Variants in RAB3IP observed in about 807,000 individuals in gnomAD.
RAB3IP encodes the protein RAB3A interacting protein.
Under a neutral mutation model 59.1 loss-of-function variants are expected in RAB3IP, and 36 were observed. That is an observed-to-expected ratio of 0.61 (90% CI 0.47 to 0.80). The LOEUF is 0.80. Among genes scored for constraint, RAB3IP ranks in the 30% least tolerant of loss-of-function variants. The pLI is 0.00. For synonymous variants in RAB3IP, 207 were observed against 191.2 expected (o/e 1.08, Z -0.68); for missense variants, 511 against 536.0 (o/e 0.95, Z 0.46).
In RAB3IP at chr12:69,815,493, G is replaced by A. The variant is rs377045365; in HGVS notation, c.*47G>A. On this transcript the variant is annotated 3_prime_UTR_variant, in exon 11 of 11. Transcript: ENST00000247833. Reference sequence around the variant, plus strand: ...TGAACTCCCCGAATAACTGAAAAATGGCTGAATATTTTTATGGTTACTTGA... The same window carrying A: ...TGAACTCCCCGAATAACTGAAAAATAGCTGAATATTTTTATGGTTACTTGA... The A allele has an allele frequency of 8.5e-6, 11 of 1,288,024 alleles. No individual in the cohort carries two copies. In the African/African-American group the frequency reaches 1.6e-4, roughly 19 times the overall value. 79.8% of individuals were successfully genotyped at this position (1,288,024 alleles called of 1,614,324 possible). A position where few individuals can be genotyped will look rare whatever the true frequency, so the allele number is the denominator to read the frequency against.
At chr12:69,779,725 A>G (rs1341768052) in intron 3 of RAB3IP, among the ~76,000 whole-genome samples, 1 of 147,310 alleles carries the variant, frequency 6.8e-6, no homozygotes, top group Non-Finnish European at 1.5e-5. Context: ...AATTTTTCTG[A>G]TAAATTTCTG....
intron 10 of RAB3IP, among the ~76,000 whole-genome samples, chr12:69,813,845 T>A (rs935146868): frequency 2.6e-5 from 4 of 151,832 alleles, no homozygotes; most frequent in Non-Finnish European, 5.9e-5. Flanking sequence ...CTTTCAATCA[T>A]GTAAAGCAGT....
chr12:69,815,663 G>A lies in RAB3IP; in HGVS notation c.*217G>A, dbSNP rs1881059012. On this transcript the variant is annotated 3_prime_UTR_variant, in exon 11 of 11. Coordinates refer to ENST00000247833, the MANE Select transcript of RAB3IP (RefSeq NM_022456.5). Reference sequence around the variant, plus strand: ...ACTATGAAGAATTCCAGGTGTACTAGTGAATGTAATTTATAGTTGCCAAAA... The same window carrying A: ...ACTATGAAGAATTCCAGGTGTACTAATGAATGTAATTTATAGTTGCCAAAA... 6.3e-6 allele frequency: 2 copies of A among 318,800 alleles called. No individual in the cohort carries two copies. Among genetic ancestry groups the A allele is most frequent in the Admixed American group, 4.9e-5 (1 of 20,220 alleles). 19.7% of individuals were successfully genotyped at this position (318,800 alleles called of 1,614,324 possible). A position where few individuals can be genotyped will look rare whatever the true frequency, so the allele number is the denominator to read the frequency against.
chr12:69,807,369 T>C (rs1322803492), intron 8 of RAB3IP, among the ~76,000 whole-genome samples: 312 of 58,242 alleles, frequency 5.4e-3, no homozygotes, highest in African/African-American at 6.1e-3. Context: ...CAGAGGCGCT[T>C]CCCACCTCCC....
chr12:69,751,645 A>G (rs1164997634), intron 1 of RAB3IP, among the ~76,000 whole-genome samples: 1 of 152,312 alleles, frequency 6.6e-6, no homozygotes, highest in South Asian at 2.1e-4. Context: ...AAGTTTCAGA[A>G]TCACAGTATC....
chr12:69,806,570 G>GTTTTTTTTTTTTTTTTTTTTTTTTTTTT (rs35262716), intron 8 of RAB3IP, among the ~76,000 whole-genome samples: 2 of 68,488 alleles, frequency 2.9e-5, no homozygotes, highest in Admixed American at 1.8e-4. Flanking sequence ...TGCTTCTCTA[G>GTTTTTTTTTTTTTTTTTTTTTTTTTTTT]TTTTTTTTTT....
chr12:69,778,550 C>G (rs1487868274), intron 3 of RAB3IP, among the ~76,000 whole-genome samples: 2 of 133,030 alleles, frequency 1.5e-5, no homozygotes, highest in Non-Finnish European at 3.2e-5. Context: ...GTGGTTTTAT[C>G]TACTTTTGGT....
chr12:69,807,457 C>CG (rs1879586126), intron 8 of RAB3IP, among the ~76,000 whole-genome samples: 1 of 137,074 alleles, frequency 7.3e-6, no homozygotes. Flanking sequence ...ACATCCCAGA[C>CG]AGGACGGCTG....
upstream of RAB3IP, chr12:69,738,631 C>T (rs950881783): frequency 1.3e-5 from 2 of 152,114 alleles, no homozygotes; most frequent in African/African-American, 4.8e-5. Context: ...AAACAGAGCG[C>T]AGCTCCGGCT....
chr12:69,808,400 A>C (rs983396267), intron 8 of RAB3IP, among the ~76,000 whole-genome samples: 1 of 152,198 alleles, frequency 6.6e-6, no homozygotes, highest in Non-Finnish European at 1.5e-5. Context: ...GTAGATGTCT[A>C]TTAGGTCTGC....
chr12:69,800,118 A>G, intron 6 of RAB3IP, 91 bp from the exon 7 acceptor site: 1 of 956,744 alleles, frequency 1.0e-6, no homozygotes, highest in Non-Finnish European at 1.4e-6. Flanking sequence ...GCTTTTTTTC[A>G]GTGATGTTTA....
chr12:69,792,745 C>T (rs923059713), intron 4 of RAB3IP, among the ~76,000 whole-genome samples: 2 of 152,084 alleles, frequency 1.3e-5, no homozygotes, highest in Non-Finnish European at 1.5e-5. Flanking sequence ...TCACTGTAAC[C>T]CTTATGTCTG....
chr12:69,768,640 C>A (rs1342524049), intron 3 of RAB3IP, among the ~76,000 whole-genome samples: 1 of 152,202 alleles, frequency 6.6e-6, no homozygotes, highest in Non-Finnish European at 1.5e-5. Context: ...TCACGCAGAT[C>A]AGTTCATGTT....
intron 6 of RAB3IP, among the ~76,000 whole-genome samples, chr12:69,799,994 C>T (rs1472620980): frequency 6.6e-6 from 1 of 150,976 alleles, no homozygotes; most frequent in Non-Finnish European, 1.5e-5. Context: ...AAAAGGAAAA[C>T]TGCTACCAGG....
intron 8 of RAB3IP, chr12:69,812,031 G>A (rs1360866674): frequency 6.6e-6 from 1 of 152,174 alleles, no homozygotes; most frequent in African/African-American, 2.4e-5. Context: ...AGACATGCTA[G>A]CTTTATCTCA....
intron 3 of RAB3IP, among the ~76,000 whole-genome samples, chr12:69,759,728 C>T (rs1481007960): frequency 1.4e-4 from 21 of 147,548 alleles, no homozygotes; most frequent in South Asian, 6.4e-4. Context: ...CCGGACGGGG[C>T]GGCTGCCGGG....
intron 1 of RAB3IP, chr12:69,739,720 G>C (rs913799008): frequency 5.5e-5 from 50 of 911,564 alleles, no homozygotes; most frequent in Non-Finnish European, 8.4e-5. Context: ...TGCACGGGTG[G>C]GATTGCATGG....
chr12:69,743,786 T>C (rs1310023357), intron 1 of RAB3IP, among the ~76,000 whole-genome samples: 1 of 152,230 alleles, frequency 6.6e-6, no homozygotes, highest in Non-Finnish European at 1.5e-5. Context: ...TTCATTTCTA[T>C]CTTTTTCAGC....
intron 4 of RAB3IP, 74 bp downstream of exon 4, chr12:69,784,889 ATCTTG>A: frequency 1.2e-6 from 1 of 827,624 alleles, no homozygotes; most frequent in Admixed American, 2.1e-5. Flanking sequence ...TTTTGAGGGA[ATCTTG>A]AAAAATATTT....
Sources: gnomAD v4.1 joint callset for allele counts (sites outside exome capture counted in the v4.1 genomes callset) on GRCh38, gnomAD v4.1.1 for gene constraint, MANE v1.5 for transcripts, NCBI Gene and HGNC (gene_info 2026-07-23, HGNC 2026-07-21) for gene names.